The following TNIP3 variants were observed in gnomAD, a reference collection of about 807,000 sequenced individuals.
TNIP3 encodes TNFAIP3-interacting protein 3.
Under a neutral mutation model 54.1 loss-of-function variants are expected in TNIP3, and 34 were observed. The ratio of observed to expected loss-of-function variants is 0.63; its 90% CI spans 0.48 to 0.84. The LOEUF (loss-of-function observed/expected upper bound fraction) is 0.84. TNIP3 is among the 40% of genes least tolerant of loss of function. The pLI is 0.00. For synonymous variants in TNIP3, 134 were observed against 136.8 expected (o/e 0.98, Z 0.14); for missense variants, 366 against 387.6 (o/e 0.94, Z 0.47).
At chr4:121,226,239 A>AAGAG (rs541995255) in intron 1 of TNIP3, among the ~76,000 whole-genome samples, 87 of 150,148 alleles carry the variant, frequency 5.8e-4, no homozygotes, top group African/African-American at 1.9e-3. Context: ...ACACATAGGA[A>AAGAG]AGAGAGAGAG....
At chr4:121,210,817 A>T (rs553926514) in intron 2 of TNIP3, among the ~76,000 whole-genome samples, 3 of 152,302 alleles carry the variant, frequency 2.0e-5, no homozygotes, top group African/African-American at 7.2e-5. Context: ...TAAGGGCCCT[A>T]TCTCCAAATG....
At chr4:121,138,719 T>C (rs1250928898) in intron 9 of TNIP3, 35 bp from the exon 10 acceptor site, 5 of 1,580,452 alleles carry the variant, frequency 3.2e-6, no homozygotes, top group Non-Finnish European at 4.3e-6. Flanking sequence ...TATAGCAATA[T>C]GGACTTCAAA....
At chr4:121,176,118 T>C (rs1724312136) in intron 3 of TNIP3, among the ~76,000 whole-genome samples, 1 of 152,270 alleles carries the variant, frequency 6.6e-6, no homozygotes, top group South Asian at 2.1e-4. Context: ...TCCACTAATC[T>C]GTTTAATTTA....
At chr4:121,165,537 T>A (rs1453355269), upstream of TNIP3, among the ~76,000 whole-genome samples, 1 of 152,162 alleles carries the variant, frequency 6.6e-6, no homozygotes. Flanking sequence ...TTAATCTCTG[T>A]GTCCACGCAC....
At chr4:121,184,832 G>A (rs565594378) in intron 2 of TNIP3, among the ~76,000 whole-genome samples, 57 of 152,262 alleles carry the variant, frequency 3.7e-4, no homozygotes, top group African/African-American at 1.4e-3. Context: ...TGGTGCAAAA[G>A]GTTGCATATG....
At chr4:121,171,678 G>A (rs530958350) in intron 3 of TNIP3, among the ~76,000 whole-genome samples, 3 of 152,104 alleles carry the variant, frequency 2.0e-5, no homozygotes, top group East Asian at 3.9e-4. Flanking sequence ...GTACTGCCTG[G>A]ATGTTTCTCA....
chr4:121,206,927 A>T (rs1331217777), intron 2 of TNIP3, among the ~76,000 whole-genome samples: 1 of 152,128 alleles, frequency 6.6e-6, no homozygotes, highest in Non-Finnish European at 1.5e-5. Flanking sequence ...TTTTGAATTC[A>T]TGGGAGTTGT....
intron 9 of TNIP3, among the ~76,000 whole-genome samples, chr4:121,139,489 C>T (rs1174340934): frequency 6.6e-6 from 1 of 152,208 alleles, no homozygotes; most frequent in African/African-American, 2.4e-5. Context: ...ATGCTCACCC[C>T]TGCCTCCTAC....
chr4:121,181,031 T>C (rs867818352), intron 3 of TNIP3, among the ~76,000 whole-genome samples: 2 of 152,188 alleles, frequency 1.3e-5, no homozygotes, highest in Non-Finnish European at 2.9e-5. Context: ...AATGAGGTCG[T>C]AGGAAAATCA....
intron 3 of TNIP3, among the ~76,000 whole-genome samples, chr4:121,174,760 G>A (rs1219452924): frequency 1.3e-5 from 2 of 151,846 alleles, no homozygotes; most frequent in Non-Finnish European, 2.9e-5. Flanking sequence ...TGTGAGTTAT[G>A]CCTCACTCTC....
chr4:121,133,074 G>A (rs1186290195), intron 10 of TNIP3, among the ~76,000 whole-genome samples: 1 of 152,152 alleles, frequency 6.6e-6, no homozygotes, highest in East Asian at 1.9e-4. Flanking sequence ...TATTGCCAAA[G>A]CTATGGAAAA....
chr4:121,206,549 T>TGTGTGTGTGTGTGTG (rs61344205), intron 2 of TNIP3, among the ~76,000 whole-genome samples: 1 of 151,888 alleles, frequency 6.6e-6, no homozygotes, highest in African/African-American at 2.4e-5. Flanking sequence ...TGTGTGTGTG[T>TGTGTGTGTGTGTGTG]TTTATCTTTT....
intron 2 of TNIP3, among the ~76,000 whole-genome samples, chr4:121,213,781 C>CTTTAGAAAA (rs1726620839): frequency 6.6e-6 from 1 of 150,406 alleles, no homozygotes; most frequent in Admixed American, 6.6e-5. Context: ...CACAGGAAAG[C>CTTTAGAAAA]ATCTGCTTTA....
upstream of TNIP3, among the ~76,000 whole-genome samples, chr4:121,165,148 T>C (rs1036011160): frequency 6.6e-6 from 1 of 151,600 alleles, no homozygotes; most frequent in African/African-American, 2.4e-5. Context: ...TTCATTAACC[T>C]GCCTACGAGA....
chr4:121,179,898 A>G (rs1724576606), intron 3 of TNIP3, among the ~76,000 whole-genome samples: 1 of 152,170 alleles, frequency 6.6e-6, no homozygotes, highest in African/African-American at 2.4e-5. Flanking sequence ...GAAAGAAAGT[A>G]CATGTAGAAA....
intron 3 of TNIP3, among the ~76,000 whole-genome samples, chr4:121,169,748 C>T (rs13152687): frequency 0.24 from 35,879 of 152,058 alleles, 4,406 homozygotes; most frequent in Middle Eastern, 0.29. Context: ...TCTTTGATCC[C>T]CCAAACCTGG....
intron 2 of TNIP3, among the ~76,000 whole-genome samples, chr4:121,209,612 G>C (rs1484742026): frequency 1.3e-5 from 2 of 152,166 alleles, no homozygotes; most frequent in Admixed American, 1.3e-4. Context: ...TTAGGCTCCA[G>C]ATTAGCCTTG....
chr4:121,184,221 G>A (rs930683423), intron 2 of TNIP3, among the ~76,000 whole-genome samples: 2 of 152,062 alleles, frequency 1.3e-5, no homozygotes, highest in Non-Finnish European at 2.9e-5. Context: ...TGAGGGAGGA[G>A]TTCTTGCAGG....
chr4:121,164,013 A>G, intron 1 of TNIP3, 47 bp downstream of exon 1: 1 of 1,602,752 alleles, frequency 6.2e-7, no homozygotes, highest in Non-Finnish European at 8.5e-7. Context: ...TAGAAATGCC[A>G]TCAATGCTAG....
Sources: allele counts gnomAD v4.1 joint callset (sites outside exome capture counted in the v4.1 genomes callset), GRCh38; gene constraint gnomAD v4.1.1; transcripts MANE v1.5; gene names NCBI Gene and HGNC (gene_info 2026-07-23, HGNC 2026-07-21).